Variants in PRKCA observed in about 807,000 individuals in gnomAD.
The protein encoded by PRKCA is protein kinase C alpha type.
A neutral mutation model predicts 87.0 loss-of-function variants in PRKCA; 27 were observed. The ratio of observed to expected loss-of-function variants is 0.31; its 90% confidence interval spans 0.23 to 0.43. The LOEUF is 0.43. PRKCA is among the 20% of genes least tolerant of loss of function. PRKCA has a pLI of 1.00. For synonymous variants in PRKCA, 329 were observed against 311.1 expected (o/e 1.06, Z -0.61); for missense variants, 518 against 852.3 (o/e 0.61, Z 4.88).
chr17:66,777,083 C>A, intron 14 of PRKCA: 1 of 335,416 alleles, frequency 3.0e-6, no homozygotes, highest in Non-Finnish European at 4.2e-6. Context: ...GTGCTGGCTG[C>A]GACCAATTAT....
rs1015963108 is a variant in PRKCA at position 66,792,663 on chromosome 17, A to G, written c.1854+3684A>G. On this transcript the variant is annotated intron_variant, in intron 16 of 16. Coordinates refer to ENST00000413366, the MANE Select transcript of PRKCA (RefSeq NM_002737.3). The surrounding 1 kb of genome is among the most constrained non-coding windows in gnomAD (Gnocchi z 4.5). ...TCCATCTCACGGCGACATTAAGATCAAGATCTGCAGTACAGCTGTGGGCTG... is the reference window on the plus strand; with the variant it reads ...TCCATCTCACGGCGACATTAAGATCGAGATCTGCAGTACAGCTGTGGGCTG... 7.2e-5 allele frequency among the ~76,000 whole-genome samples: 11 copies of G among 152,270 alleles called. No individual in the cohort carries two copies. Among genetic ancestry groups the G allele is most frequent in the Non-Finnish European group, 1.2e-4 (8 of 68,042 alleles).
At chr17:66,728,802 ACTGT>A (rs1286905876) in intron 8 of PRKCA, among the ~76,000 whole-genome samples, 1 of 152,200 alleles carries the variant, frequency 6.6e-6, no homozygotes, top group Admixed American at 6.5e-5. Flanking sequence ...AGGCGGAATG[ACTGT>A]CTGGGAATGT....
chr17:66,345,111 C>T lies in PRKCA; in HGVS notation c.205+38984C>T, dbSNP rs117246909. On this transcript the variant is annotated intron_variant, in intron 2 of 16. Transcript: ENST00000413366. ...TTTGCAAACTAAATACCCTTTCCCC[C>T]GCACCCTCTATTGCTGGATTTTCTT... Among the ~76,000 whole-genome samples, 1,420 of 152,252 alleles carry T rather than the reference C, an allele frequency of 9.3e-3. 6 individuals carry two copies. Among genetic ancestry groups the T allele is most frequent in the Middle Eastern group, 0.031 (9 of 290 alleles).
chr17:66,752,295 A>G (rs540240950), intron 13 of PRKCA, among the ~76,000 whole-genome samples: 35 of 152,320 alleles, frequency 2.3e-4, no homozygotes, highest in African/African-American at 8.4e-4. Flanking sequence ...ATAATGGCTT[A>G]AAACAATAAT....
At chr17:66,594,372 T>C (rs1969907973) in intron 3 of PRKCA, among the ~76,000 whole-genome samples, 3 of 152,210 alleles carry the variant, frequency 2.0e-5, no homozygotes, top group Non-Finnish European at 4.4e-5. Context: ...TTTCGGCCCC[T>C]GCTTGATGAT....
chr17:66,704,778 C>T (rs1262178422), intron 8 of PRKCA, among the ~76,000 whole-genome samples: 7 of 152,098 alleles, frequency 4.6e-5, no homozygotes, highest in African/African-American at 1.7e-4. Context: ...TAATATGATC[C>T]AATTAAACTA....
chr17:66,737,608 C>T (rs9909890), intron 10 of PRKCA, among the ~76,000 whole-genome samples: 21,743 of 152,222 alleles, frequency 0.14, 1,873 homozygotes, highest in East Asian at 0.29. Context: ...CTCAAAATGG[C>T]TTTGCAGCCA....
At chr17:66,489,238 G>A (rs1033200555) in intron 2 of PRKCA, among the ~76,000 whole-genome samples, 4 of 151,486 alleles carry the variant, frequency 2.6e-5, no homozygotes, top group Non-Finnish European at 5.9e-5. Flanking sequence ...GAATTTCTAT[G>A]CCTGTGTTCC....
intron 2 of PRKCA, among the ~76,000 whole-genome samples, chr17:66,396,752 C>T (rs1910700418): frequency 6.6e-6 from 1 of 151,420 alleles, no homozygotes; most frequent in Admixed American, 6.6e-5. Context: ...CCTCAGCCTC[C>T]AAAGTAGCTG....
chr17:66,785,976 T>C (rs1027612638), intron 14 of PRKCA, among the ~76,000 whole-genome samples: 21 of 152,110 alleles, frequency 1.4e-4, no homozygotes, highest in South Asian at 4.1e-4. Flanking sequence ...CTACAGGCGC[T>C]CGCCACCATG....
At chr17:66,408,897 C>T (rs951851097) in intron 2 of PRKCA, among the ~76,000 whole-genome samples, 4 of 151,554 alleles carry the variant, frequency 2.6e-5, no homozygotes, top group Non-Finnish European at 5.9e-5. Context: ...ACTAAAAATA[C>T]AAAAATTAGC....
In PRKCA at chr17:66,792,020, G is replaced by A. The variant is rs911895368; in HGVS notation, c.1854+3041G>A. Among the ~76,000 whole-genome samples the A allele has an allele frequency of 3.3e-5, 5 of 152,166 alleles. No individual in the cohort carries two copies. The highest frequency in any genetic ancestry group is 5.9e-5 in the Non-Finnish European group (4 of 68,032). On this transcript the variant is annotated intron_variant, in intron 16 of 16. Transcript: ENST00000413366. This position sits in a 1 kb window ranked among gnomAD's most constrained non-coding sequence, Gnocchi z 4.5. The stretch of plus-strand genomic sequence containing the variant: ...GCCTAAATAGTGCTGCTGGAGAAAC[G>A]ATCAGGCAAATGTCACACAGCTAGC...
chr17:66,439,945 C>T (rs1255870308), intron 2 of PRKCA, among the ~76,000 whole-genome samples: 2 of 152,184 alleles, frequency 1.3e-5, no homozygotes, highest in African/African-American at 2.4e-5. Flanking sequence ...ATAAGTGCAA[C>T]TGTCTCCTTC....
In PRKCA at chr17:66,495,192, G is replaced by A. The variant is rs1160086832; in HGVS notation, c.206-1009G>A. On this transcript the variant is annotated intron_variant, in intron 2 of 16. Coordinates refer to ENST00000413366, the MANE Select transcript of PRKCA (RefSeq NM_002737.3). ...GGACTATTTATCAAAACCATGTTAA[G>A]CTTTGAAAATATTTACTGGGTAGTA... 3.9e-5 allele frequency among the ~76,000 whole-genome samples: 6 copies of A among 151,954 alleles called. 1 individual carries two copies. Among genetic ancestry groups the A allele is most frequent in the African/African-American group, 1.5e-4 (6 of 41,368 alleles).
At chr17:66,637,851 A>G (rs975084107) in intron 3 of PRKCA, among the ~76,000 whole-genome samples, 4 of 152,180 alleles carry the variant, frequency 2.6e-5, no homozygotes, top group Non-Finnish European at 5.9e-5. Context: ...ACTAAGTACT[A>G]TGCCTTTCTA....
chr17:66,467,633 C>G (rs1206782965), intron 2 of PRKCA, among the ~76,000 whole-genome samples: 1 of 152,184 alleles, frequency 6.6e-6, no homozygotes, highest in East Asian at 1.9e-4. Context: ...TCTTGGCTCA[C>G]CACAGCCTCA....
At chr17:66,618,137 CT>C (rs1405322033) in intron 3 of PRKCA, among the ~76,000 whole-genome samples, 1 of 152,074 alleles carries the variant, frequency 6.6e-6, no homozygotes, top group Non-Finnish European at 1.5e-5. Flanking sequence ...GGTGGATCAC[CT>C]GAGGTCAGGA....
chr17:66,620,696 T>C (rs1052359140), intron 3 of PRKCA, among the ~76,000 whole-genome samples: 2 of 151,726 alleles, frequency 1.3e-5, no homozygotes, highest in Non-Finnish European at 2.9e-5. Context: ...GAAGTCAAAG[T>C]GAACACAGTG....
chr17:66,722,789 T>G (rs1439173309), intron 8 of PRKCA, among the ~76,000 whole-genome samples: 1 of 152,240 alleles, frequency 6.6e-6, no homozygotes, highest in African/African-American at 2.4e-5. Context: ...GATTCTGGGT[T>G]GTTGAATCAT....
Sources: gnomAD v4.1 joint callset for allele counts (sites outside exome capture counted in the v4.1 genomes callset) on GRCh38, gnomAD v4.1.1 for gene constraint, Gnocchi (gnomAD v3.1) non-coding constraint, MANE v1.5 for transcripts, NCBI Gene and HGNC (gene_info 2026-07-23, HGNC 2026-07-21) for gene names.